CPA6: variants seen among roughly 807,000 people sequenced by gnomAD.
CPA6 encodes carboxypeptidase A6.
Under a neutral mutation model 63.3 loss-of-function variants are expected in CPA6, and 58 were observed. The observed-to-expected ratio is 0.92, with a 90% CI of 0.74 to 1.14. The LOEUF is 1.14. CPA6 is among the 50% of genes most tolerant of loss of function. The pLI is 0.00. For synonymous variants in CPA6, 185 were observed against 179.0 expected (o/e 1.03, Z -0.27); for missense variants, 565 against 526.6 (o/e 1.07, Z -0.71).
chr8:67,616,807 C>T (rs1042062716), intron 2 of CPA6, among the ~76,000 whole-genome samples: 1 of 152,202 alleles, frequency 6.6e-6, no homozygotes, highest in African/African-American at 2.4e-5. Context: ...GTAAATAAGC[C>T]TATCCTAGAC....
At chr8:67,737,218 A>G (rs1337132141) in intron 1 of CPA6, among the ~76,000 whole-genome samples, 1 of 152,136 alleles carries the variant, frequency 6.6e-6, no homozygotes. Context: ...TCCCTCAGAG[A>G]AAGATGCCTT....
intron 2 of CPA6, among the ~76,000 whole-genome samples, chr8:67,518,490 T>C (rs935207068): frequency 5.4e-5 from 8 of 148,042 alleles, no homozygotes; most frequent in African/African-American, 1.5e-4. Context: ...TGGTCTTTTT[T>C]TTCTTTTTCT....
chr8:67,571,057 G>A (rs1261924988), intron 2 of CPA6, among the ~76,000 whole-genome samples: 2 of 152,176 alleles, frequency 1.3e-5, no homozygotes, highest in Non-Finnish European at 2.9e-5. Flanking sequence ...ATACTTGCTT[G>A]TATCAGACAA....
intron 1 of CPA6, among the ~76,000 whole-genome samples, chr8:67,708,137 C>T (rs1029857028): frequency 8.5e-5 from 13 of 152,112 alleles, no homozygotes. Flanking sequence ...AAACCCATGG[C>T]TAAGCTTATG....
At chr8:67,513,040 CT>C (rs547444340) in intron 3 of CPA6, among the ~76,000 whole-genome samples, 5 of 152,154 alleles carry the variant, frequency 3.3e-5, no homozygotes, top group African/African-American at 9.6e-5. Context: ...TGACTTACTG[CT>C]TTTTTTGTTT....
chr8:67,650,228 A>G (rs970767736), intron 1 of CPA6, among the ~76,000 whole-genome samples: 1 of 152,128 alleles, frequency 6.6e-6, no homozygotes, highest in Non-Finnish European at 1.5e-5. Context: ...TGATTGTGCA[A>G]TCATATCAAC....
chr8:67,531,262 A>G (rs1485469963), intron 2 of CPA6, among the ~76,000 whole-genome samples: 1 of 152,166 alleles, frequency 6.6e-6, no homozygotes, highest in Non-Finnish European at 1.5e-5. Flanking sequence ...AGCATCAAAA[A>G]GAAATGAGGA....
intron 1 of CPA6, among the ~76,000 whole-genome samples, chr8:67,684,632 C>T (rs141720292): frequency 5.9e-5 from 9 of 152,258 alleles, no homozygotes; most frequent in Non-Finnish European, 8.8e-5. Context: ...GTACAGGCCC[C>T]GATGAGCTTT....
intron 6 of CPA6, among the ~76,000 whole-genome samples, chr8:67,504,850 G>A (rs146146876): frequency 8.5e-5 from 13 of 152,290 alleles, no homozygotes; most frequent in Non-Finnish European, 1.3e-4. Context: ...CAGAGGCACA[G>A]GAATGGCCTC....
At chr8:67,443,355 C>T (rs566333176) in intron 8 of CPA6, among the ~76,000 whole-genome samples, 3 of 152,224 alleles carry the variant, frequency 2.0e-5, no homozygotes, top group East Asian at 1.9e-4. Flanking sequence ...CCACTGCTCC[C>T]GGGCCCTGTC....
chr8:67,432,301 G>A (rs1227770188), intron 9 of CPA6, among the ~76,000 whole-genome samples: 2 of 152,162 alleles, frequency 1.3e-5, no homozygotes, highest in Non-Finnish European at 2.9e-5. Context: ...AAATCGTCAT[G>A]AATACCCCTA....
chr8:67,627,856 A>T (rs1815227931), intron 1 of CPA6, among the ~76,000 whole-genome samples: 1 of 152,318 alleles, frequency 6.6e-6, no homozygotes, highest in Non-Finnish European at 1.5e-5. Flanking sequence ...CACATGAATA[A>T]GACAATAGTA....
intron 1 of CPA6, among the ~76,000 whole-genome samples, chr8:67,684,405 A>C (rs1816668329): frequency 6.6e-6 from 1 of 152,062 alleles, no homozygotes; most frequent in Non-Finnish European, 1.5e-5. Context: ...TATTCCTGAC[A>C]ACCTGCCAGC....
intron 2 of CPA6, among the ~76,000 whole-genome samples, chr8:67,607,056 T>C (rs1161627184): frequency 6.6e-6 from 1 of 151,930 alleles, no homozygotes; most frequent in East Asian, 1.9e-4. Context: ...CTTTCCTAGA[T>C]GTAACTCTCA....
At chr8:67,687,174 C>T (rs769301724) in intron 1 of CPA6, among the ~76,000 whole-genome samples, 2 of 152,160 alleles carry the variant, frequency 1.3e-5, no homozygotes, top group Non-Finnish European at 2.9e-5. Context: ...ATTTTTCTCT[C>T]ACAGAAGAAA....
chr8:67,602,541 A>T (rs540620941), intron 2 of CPA6, among the ~76,000 whole-genome samples: 1 of 152,188 alleles, frequency 6.6e-6, no homozygotes, highest in African/African-American at 2.4e-5. Flanking sequence ...AGCACCCTAA[A>T]TGTTTACTTC....
chr8:67,484,695 TG>T lies in CPA6; in HGVS notation c.730del (p.His244IlefsTer33). 1.3e-6 allele frequency: 2 copies of T among 1,584,926 alleles called. No homozygotes were observed. The highest frequency in any genetic ancestry group is 1.7e-6 in the Non-Finnish European group (2 of 1,154,466). On this transcript the variant is annotated frameshift_variant, in exon 7 of 11. Coordinates refer to ENST00000297770, the MANE Select transcript of CPA6 (RefSeq NM_020361.5). ...GTGACTTACATTGGTCCAACTAAAA[TG>T]GTATCCATCGACGTTAAACACAGGC... ...IMPVFNVDGY[H>X]FSWTNDRFWR...
At chr8:67,674,739 C>T (rs1816431070) in intron 1 of CPA6, among the ~76,000 whole-genome samples, 1 of 152,034 alleles carries the variant, frequency 6.6e-6, no homozygotes, top group Non-Finnish European at 1.5e-5. Context: ...TGTCGCAATG[C>T]AATTTACAAT....
At chr8:67,491,601 T>TTTCACAC (rs1170403150) in intron 6 of CPA6, among the ~76,000 whole-genome samples, 3 of 152,166 alleles carry the variant, frequency 2.0e-5, no homozygotes, top group Non-Finnish European at 4.4e-5. Context: ...CCATTTCACA[T>TTTCACAC]TTCACACAGA....
Sources: gnomAD v4.1 joint callset for allele counts (sites outside exome capture counted in the v4.1 genomes callset) on GRCh38, gnomAD v4.1.1 for gene constraint, MANE v1.5 for transcripts, NCBI Gene and HGNC (gene_info 2026-07-23, HGNC 2026-07-21) for gene names.